Variants in DNAH11 observed in about 807,000 individuals in gnomAD.
The protein encoded by DNAH11 is dynein axonemal heavy chain 11.
Under a neutral mutation model 526.0 loss-of-function variants are expected in DNAH11, and 442 were observed. The observed-to-expected ratio is 0.84, with a 90% CI of 0.78 to 0.91. The LOEUF is 0.91. Among genes scored for constraint, DNAH11 ranks in the 40% least tolerant of loss-of-function variants. DNAH11 has a pLI of 0.00. For missense variants in DNAH11, 6,989 were observed against 5,448.7 expected (o/e 1.28, Z -8.90); for synonymous variants, 2,461 against 1,935.9 (o/e 1.27, Z -7.12).
intron 39 of DNAH11, among the ~76,000 whole-genome samples, chr7:21,707,218 G>A (rs181322100): frequency 6.6e-6 from 1 of 152,314 alleles, no homozygotes; most frequent in East Asian, 1.9e-4. Context: ...CTGGGCCCTT[G>A]TTGGAACTGT....
At chr7:21,599,199 C>A (rs1396935559) in intron 14 of DNAH11, among the ~76,000 whole-genome samples, 1 of 152,200 alleles carries the variant, frequency 6.6e-6, no homozygotes, top group Non-Finnish European at 1.5e-5. Flanking sequence ...AACATTTCTA[C>A]CAACAGTATA....
chr7:21,691,216 CAACAG>C (rs1438586664), intron 35 of DNAH11, among the ~76,000 whole-genome samples: 2 of 149,378 alleles, frequency 1.3e-5, no homozygotes, highest in African/African-American at 4.9e-5. Context: ...ATTTTATTGC[CAACAG>C]AACACTTCAG....
At chr7:21,748,360 C>T (rs893508164) in intron 51 of DNAH11, among the ~76,000 whole-genome samples, 2 of 151,962 alleles carry the variant, frequency 1.3e-5, no homozygotes, top group African/African-American at 4.8e-5. Context: ...GGTGAGTGCC[C>T]GTAATCCAAC....
chr7:21,892,305 C>T, intron 76 of DNAH11, 120 bp from the exon 77 acceptor site: 2 of 1,403,006 alleles, frequency 1.4e-6, no homozygotes, highest in African/African-American at 1.4e-5. Flanking sequence ...TTTAGGGAGC[C>T]TGCTACCCAG....
intron 14 of DNAH11, among the ~76,000 whole-genome samples, chr7:21,593,904 A>G (rs1180881962): frequency 1.3e-5 from 2 of 151,364 alleles, no homozygotes; most frequent in African/African-American, 4.9e-5. Context: ...CCCAGACACA[A>G]AATCTCTCTC....
chr7:21,889,408 C>T (rs1202206715), intron 76 of DNAH11, among the ~76,000 whole-genome samples: 1 of 152,154 alleles, frequency 6.6e-6, no homozygotes, highest in African/African-American at 2.4e-5. Flanking sequence ...CGGATATGTA[C>T]CTTGGAGTGG....
chr7:21,684,056 A>C, intron 32 of DNAH11, 112 bp downstream of exon 32: 4 of 1,139,008 alleles, frequency 3.5e-6, no homozygotes, highest in Non-Finnish European at 4.9e-6. Context: ...ACTATGTGAA[A>C]GTGGTGAAGA....
At chr7:21,556,514 AC>A (rs1320764941) in intron 2 of DNAH11, among the ~76,000 whole-genome samples, 4 of 152,128 alleles carry the variant, frequency 2.6e-5, no homozygotes, top group African/African-American at 9.7e-5. Flanking sequence ...ACAAATCTAA[AC>A]TTTTTTCTTT....
Position 21,901,338 on chromosome 7 carries a change from TTCTAACTTTTTAG to T in DNAH11, c.*86_*98del. The T allele has an allele frequency of 7.1e-7, 1 of 1,413,824 alleles. No homozygotes were observed. Among genetic ancestry groups the T allele is most frequent in the Non-Finnish European group, 9.3e-7 (1 of 1,075,572 alleles). The allele number at this position is 1,413,824 out of a possible 1,614,324, so 87.6% of individuals were successfully genotyped here. On this transcript the variant is annotated 3_prime_UTR_variant, in exon 82 of 82. Coordinates refer to ENST00000409508, the MANE Select transcript of DNAH11 (RefSeq NM_001277115.2). ...TGCTGCACTGTTCCCATGCACATTA[TTCTAACTTTTTAG>T]TAACTCACACGTGCATTCTTTTTTC...
intron 62 of DNAH11, among the ~76,000 whole-genome samples, chr7:21,802,568 A>G (rs1035088961): frequency 1.4e-4 from 21 of 152,186 alleles, no homozygotes; most frequent in African/African-American, 4.3e-4. Flanking sequence ...AACAACCCAC[A>G]TGTCCCTTAA....
chr7:21,795,122 C>T (rs565988801), intron 61 of DNAH11, among the ~76,000 whole-genome samples: 1 of 152,032 alleles, frequency 6.6e-6, no homozygotes, highest in Non-Finnish European at 1.5e-5. Context: ...TGGTGACATC[C>T]CTTTGTGTTC....
intron 28 of DNAH11, among the ~76,000 whole-genome samples, chr7:21,645,513 C>A (rs1036491029): frequency 1.3e-5 from 2 of 152,058 alleles, no homozygotes; most frequent in Non-Finnish European, 2.9e-5. Flanking sequence ...CTGATCAGAG[C>A]TTTCAAGAGG....
intron 30 of DNAH11, among the ~76,000 whole-genome samples, chr7:21,661,235 G>C (rs1489363361): frequency 6.6e-6 from 1 of 151,874 alleles, no homozygotes; most frequent in Non-Finnish European, 1.5e-5. Flanking sequence ...ATCTTAATTA[G>C]ATTTACCAAC....
intron 74 of DNAH11, among the ~76,000 whole-genome samples, chr7:21,873,882 C>G (rs931108342): frequency 6.7e-6 from 1 of 149,826 alleles, no homozygotes; most frequent in African/African-American, 2.5e-5. Flanking sequence ...CTTCCACCTC[C>G]CGGGTTCAAG....
intron 25 of DNAH11, 62 bp from the exon 26 acceptor site, chr7:21,635,809 C>G (rs1217146095): frequency 4.4e-6 from 6 of 1,354,220 alleles, no homozygotes; most frequent in Non-Finnish European, 6.1e-6. Context: ...TAGTGCCTCC[C>G]TCATAGCACT....
rs770365463 is a variant in DNAH11, at chr7:21,606,723, C to G, written c.3842C>G (p.Ala1281Gly). The G allele has an allele frequency of 9.3e-6, 15 of 1,607,878 alleles. No homozygotes were observed. Among genetic ancestry groups the G allele is most frequent in the Non-Finnish European group, 1.3e-5 (15 of 1,177,604 alleles). ...TTTAATGCAGAAAATCCATACACAG[C>G]GCTTGATAAGGTAATACAGATCTCA... Reference protein sequence around the residue: ...LGFNAENPYTALDKANEELEA... With the variant: ...LGFNAENPYTGLDKANEELEA... Residue 1281 changes from alanine (A) to glycine (G), a missense_variant, in exon 20 of 82, where the codon GCG becomes GGG. By Grantham distance (60) the Ala-to-Gly change is moderately conservative (BLOSUM62 0). Transcript: ENST00000409508.
chr7:21,861,327 G>C (rs1783055399), intron 68 of DNAH11, among the ~76,000 whole-genome samples: 1 of 152,146 alleles, frequency 6.6e-6, no homozygotes, highest in Non-Finnish European at 1.5e-5. Flanking sequence ...ACATTGTGTT[G>C]TACTTTTGTA....
intron 55 of DNAH11, among the ~76,000 whole-genome samples, chr7:21,773,341 CTT>C (rs200549631): frequency 3.9e-5 from 5 of 126,640 alleles, no homozygotes; most frequent in African/African-American, 8.5e-5. Context: ...TAAGTTTTGG[CTT>C]TTTTTTTTTT....
At chr7:21,856,285 A>G (rs567835385) in intron 68 of DNAH11, among the ~76,000 whole-genome samples, 1 of 152,312 alleles carries the variant, frequency 6.6e-6, no homozygotes, top group East Asian at 1.9e-4. Context: ...CAGACCTGAG[A>G]TATGATTTGA....
Sources: allele counts gnomAD v4.1 joint callset (sites outside exome capture counted in the v4.1 genomes callset), GRCh38; gene constraint gnomAD v4.1.1; transcripts MANE v1.5; gene names NCBI Gene and HGNC (gene_info 2026-07-23, HGNC 2026-07-21).